DNAJC13: variants seen among roughly 807,000 people sequenced by gnomAD.
The protein encoded by DNAJC13 is DnaJ heat shock protein family (Hsp40) member C13, also known as dnaJ homolog subfamily C member 13.
In DNAJC13, 75 loss-of-function variants were observed where a neutral mutation model predicts 290.5. The observed-to-expected ratio is 0.26, with a 90% CI of 0.21 to 0.31. DNAJC13 has a LOEUF of 0.31. Ranked by LOEUF, DNAJC13 falls within the 10% of genes least tolerant of loss-of-function variation. DNAJC13 has a pLI of 1.00. For missense variants in DNAJC13, 2,260 were observed against 2,674.5 expected, an observed-to-expected ratio of 0.85 and a Z score of 3.42; for synonymous variants, 862 against 892.0, an observed-to-expected ratio of 0.97 and a Z score of 0.60.
In DNAJC13 at chr3:132,453,308, C is replaced by T. The variant is rs752235706; in HGVS notation, c.548C>T (p.Ala183Val). The change falls in exon 7 of 56, where the codon GCG (alanine) becomes GTG (valine). Residue 183 changes from alanine to valine, a missense_variant. This residue lies in a region of DNAJC13 where 762 missense variants were observed against 964.1 expected (regional missense o/e 0.79). Coordinates refer to ENST00000260818, the MANE Select transcript of DNAJC13 (RefSeq NM_015268.4). ...TCTAAATTTGTGCAGCATTTATTTG[C>T]GTCAGAGCAAAGAGAAGAGATTATT... ...YGGFSRLHLFASEQREEIIKS... is the reference protein window; with the variant it reads ...YGGFSRLHLFVSEQREEIIKS... The T allele has an allele frequency of 2.7e-5, 44 of 1,612,706 alleles. No homozygotes were observed. The highest frequency in any genetic ancestry group is 2.5e-4 in the South Asian group (23 of 90,896).
At chr3:132,534,874 G>A (rs9864454) in intron 55 of DNAJC13, among the ~76,000 whole-genome samples, 32,941 of 152,100 alleles carry the variant, frequency 0.22, 3,718 homozygotes, top group South Asian at 0.32. Flanking sequence ...GCTTTTCATT[G>A]ATGTATTGTG....
chr3:132,481,310 A>G (rs1421019580), intron 26 of DNAJC13, among the ~76,000 whole-genome samples: 1 of 152,238 alleles, frequency 6.6e-6, no homozygotes, highest in African/African-American at 2.4e-5. Context: ...AGAACAGGCC[A>G]GGCACAGTGG....
chr3:132,497,763 C>G (rs76569928), intron 36 of DNAJC13, among the ~76,000 whole-genome samples: 9,518 of 152,188 alleles, frequency 0.063, 392 homozygotes, highest in Non-Finnish European at 0.092. Flanking sequence ...TAACTTTTCC[C>G]AAGAGGGGTT....
At chr3:132,467,360 T>C (rs1559881980) in intron 20 of DNAJC13, 47 bp downstream of exon 20, 1 of 1,596,300 alleles carries the variant, frequency 6.3e-7, no homozygotes, top group Non-Finnish European at 8.6e-7. Flanking sequence ...CTGTGTGTCC[T>C]AGTCTACTTT....
chr3:132,526,032 C>T (rs374159178), intron 52 of DNAJC13, 109 bp from the exon 53 acceptor site: 1 of 1,420,368 alleles, frequency 7.0e-7, no homozygotes. Flanking sequence ...CATTGTTAAA[C>T]TGAAAGTAAG....
intron 1 of DNAJC13, among the ~76,000 whole-genome samples, chr3:132,419,704 G>A (rs1485210687): frequency 1.3e-5 from 2 of 152,178 alleles, no homozygotes; most frequent in East Asian, 1.9e-4. Flanking sequence ...ATTGAAACAA[G>A]GCTGTGCAGA....
intron 1 of DNAJC13, among the ~76,000 whole-genome samples, chr3:132,428,615 G>C (rs1939166135): frequency 6.6e-6 from 1 of 151,416 alleles, no homozygotes; most frequent in South Asian, 2.1e-4. Context: ...TAGCCAATCT[G>C]GTTATTTTAA....
chr3:132,465,971 T>C, intron 17 of DNAJC13, 24 bp from the exon 18 acceptor site: 1 of 1,593,790 alleles, frequency 6.3e-7, no homozygotes, highest in Non-Finnish European at 8.6e-7. Context: ...GCAGCAAACC[T>C]TTCTCAACGT....
chr3:132,492,341 A>T, intron 32 of DNAJC13, 73 bp from the exon 33 acceptor site: 1 of 1,428,662 alleles, frequency 7.0e-7, no homozygotes, highest in Non-Finnish European at 9.8e-7. Context: ...ACTATCTTAC[A>T]TGATTATGTA....
Position 132,523,210 on chromosome 3 carries a change from CTTTTA to C in DNAJC13, c.5886+17_5886+21del. The C allele has an allele frequency of 6.2e-7, 1 of 1,612,826 alleles. No homozygotes were observed. Among genetic ancestry groups the C allele is most frequent in the Non-Finnish European group, 8.5e-7 (1 of 1,179,040 alleles). On this transcript the variant is annotated intron_variant, in intron 50 of 55. Transcript: ENST00000260818. ...GAGGCAAACTGGAAGGTAAAATATA[CTTTTA>C]TTTTACATCTTATTTTCTGTTGATT...
At chr3:132,523,882 T>C in intron 51 of DNAJC13, 169 bp downstream of exon 51, 1 of 639,982 alleles carries the variant, frequency 1.6e-6, no homozygotes, top group Non-Finnish European at 2.5e-6. Context: ...TTTTGCCATG[T>C]TCAAAAGTGA....
chr3:132,483,675 T>C, intron 28 of DNAJC13, 98 bp downstream of exon 28: 1 of 1,242,820 alleles, frequency 8.0e-7, no homozygotes. Flanking sequence ...GTCCTATTTA[T>C]GGCCTTGGAG....
Position 132,495,050 on chromosome 3 carries a change from C to T in DNAJC13, c.3942-38C>T, listed in dbSNP as rs1042059286. 15 of 1,414,874 alleles carry T rather than the reference C, an allele frequency of 1.1e-5. No homozygotes were observed. In the Admixed American group the frequency reaches 1.6e-4, roughly 15 times the overall value. The allele number at this position is 1,414,874 out of a possible 1,614,324, so 87.6% of individuals were successfully genotyped here. On this transcript the variant is annotated intron_variant, in intron 34 of 55. Coordinates refer to ENST00000260818, the MANE Select transcript of DNAJC13 (RefSeq NM_015268.4). ...GTTTTGTAAATTATTTTTTCTTGTG[C>T]CTTACTATACTCATAAAACAATTTT... is the stretch of plus-strand genomic sequence containing the variant.
At chr3:132,520,805 T>C (rs1936066554) in intron 48 of DNAJC13, among the ~76,000 whole-genome samples, 1 of 152,154 alleles carries the variant, frequency 6.6e-6, no homozygotes, top group African/African-American at 2.4e-5. Context: ...ACCCAACTGG[T>C]CAATAGATGA....
At chr3:132,510,335 C>T (rs1935735253) in intron 43 of DNAJC13, among the ~76,000 whole-genome samples, 1 of 152,144 alleles carries the variant, frequency 6.6e-6, no homozygotes, top group South Asian at 2.1e-4. Context: ...CCAGAAGCAG[C>T]TGAGGAGCTT....
At chr3:132,468,603 C>T (rs1230545878) in intron 20 of DNAJC13, among the ~76,000 whole-genome samples, 1 of 152,132 alleles carries the variant, frequency 6.6e-6, no homozygotes, top group African/African-American at 2.4e-5. Flanking sequence ...ACTTGTTAAT[C>T]CAAGTTACGG....
Position 132,511,100 on chromosome 3 carries a change from T to G in DNAJC13, c.5149T>G (p.Tyr1717Asp), listed in dbSNP as rs1935765684. The G allele has an allele frequency of 6.2e-7, 1 of 1,613,798 alleles. No individual in the cohort carries two copies. The highest frequency in any genetic ancestry group is 1.3e-5 in the African/African-American group (1 of 74,916). Residue 1717 changes from tyrosine (Y) to aspartate (D), a missense_variant, in exon 44 of 56, where the codon TAT (tyrosine) becomes GAT (aspartate). Tyr to Asp is a radical substitution (Grantham distance 160). Around this residue, in one of 3 missense-constraint regions of DNAJC13, gnomAD observed 1,494 missense variants for 1,693.7 expected, o/e 0.88. Transcript: ENST00000260818. Reference protein sequence around the residue: ...PKAFAASLLDYIGSQAQYLHT... With the variant: ...PKAFAASLLDDIGSQAQYLHT... ...AGCATTTGCTGCAAGTCTCTTGGATTATATAGGCTCGCAGGCCCAATACTT... is the reference window on the plus strand; with the variant it reads ...AGCATTTGCTGCAAGTCTCTTGGATGATATAGGCTCGCAGGCCCAATACTT...
chr3:132,454,149 A>G lies in DNAJC13; in HGVS notation c.924A>G (p.Ser308=). The G allele has an allele frequency of 2.5e-6, 4 of 1,591,008 alleles. No individual in the cohort carries two copies. The highest frequency in any genetic ancestry group is 3.4e-6 in the Non-Finnish European group (4 of 1,172,816). ...FIKGQVRKYS[S]TERDSLLASL... is the part of the protein sequence containing the mutation. ...AAGGGCAAGTACGGAAATATTCTTC[A>G]ACAGAGAGGTATTTTTTTTTTTTTA... Residue 308 remains serine, a synonymous_variant, in exon 9 of 56, where the codon TCA becomes TCG. Transcript: ENST00000260818.
chr3:132,450,908 C>T, intron 6 of DNAJC13, 61 bp downstream of exon 6: 1 of 1,029,510 alleles, frequency 9.7e-7, no homozygotes, highest in South Asian at 2.1e-5. Flanking sequence ...TGAAGGAAAG[C>T]AAAGCTTTTT....
Sources: allele counts gnomAD v4.1 joint callset (sites outside exome capture counted in the v4.1 genomes callset), GRCh38; gene constraint gnomAD v4.1.1; regional missense constraint gnomAD v4.1.1; transcripts MANE v1.5; gene names NCBI Gene and HGNC (gene_info 2026-07-23, HGNC 2026-07-21).